The following ACTR3B variants were observed in gnomAD, a reference collection of about 807,000 sequenced individuals.
The protein encoded by ACTR3B is actin related protein 3B, also known as actin-related protein 3B.
ACTR3B carries 8 observed loss-of-function variants against 59.0 expected under a neutral mutation model. The ratio of observed to expected loss-of-function variants is 0.14; its 90% confidence interval spans 0.08 to 0.24. ACTR3B has a LOEUF of 0.24. ACTR3B is among the 10% of genes least tolerant of loss of function. ACTR3B has a pLI of 1.00. For missense variants in ACTR3B, 245 were observed against 552.3 expected, an observed-to-expected ratio of 0.44 and a Z score of 5.58; for synonymous variants, 148 against 197.9, an observed-to-expected ratio of 0.75 and a Z score of 2.12.
At chr7:152,805,942 G>A (rs1436890179) in intron 4 of ACTR3B, among the ~76,000 whole-genome samples, 1 of 145,684 alleles carries the variant, frequency 6.9e-6, no homozygotes, top group East Asian at 1.9e-4. Flanking sequence ...AATATGGGTT[G>A]GTTTTATGAT....
chr7:152,835,295 C>A (rs1474014239), intron 9 of ACTR3B, among the ~76,000 whole-genome samples: 1 of 152,144 alleles, frequency 6.6e-6, no homozygotes, highest in East Asian at 1.9e-4. Context: ...CACCCTTACA[C>A]AGGCTGAAGT....
At chr7:152,787,245 C>G (rs544660757) in intron 2 of ACTR3B, among the ~76,000 whole-genome samples, 1 of 152,248 alleles carries the variant, frequency 6.6e-6, no homozygotes, top group South Asian at 2.1e-4. Context: ...ATGGCTCATT[C>G]AAAAAATTTC....
At chr7:152,816,642 G>T in intron 6 of ACTR3B, 54 bp downstream of exon 6, 6 of 1,471,216 alleles carry the variant, frequency 4.1e-6, no homozygotes, top group Non-Finnish European at 5.4e-6. Context: ...CTGATTCGAG[G>T]TAAGGATGGA....
At chr7:152,816,910 G>A (rs188772146) in intron 6 of ACTR3B, 8,676 of 309,250 alleles carry the variant, frequency 0.028, 1,223 homozygotes, top group African/African-American at 0.18. Context: ...TGATCCCCGT[G>A]GGTGTAACAT....
intron 1 of ACTR3B, among the ~76,000 whole-genome samples, chr7:152,782,470 A>G (rs1490454968): frequency 2.0e-5 from 3 of 151,856 alleles, no homozygotes; most frequent in Non-Finnish European, 2.9e-5. Context: ...AACAGATAGT[A>G]GTATTTTGGC....
At chr7:152,767,604 T>C (rs1043630303) in intron 1 of ACTR3B, among the ~76,000 whole-genome samples, 3 of 152,242 alleles carry the variant, frequency 2.0e-5, no homozygotes, top group Admixed American at 1.3e-4. Flanking sequence ...TGTATAATAC[T>C]GAGTCTTCCC....
At chr7:152,830,413 G>A (rs1173104529) in intron 9 of ACTR3B, among the ~76,000 whole-genome samples, 1 of 152,236 alleles carries the variant, frequency 6.6e-6, no homozygotes, top group Non-Finnish European at 1.5e-5. Context: ...TGAAGCAGAT[G>A]TAAATACATC....
intron 1 of ACTR3B, among the ~76,000 whole-genome samples, chr7:152,764,614 T>A (rs1340266346): frequency 6.8e-6 from 1 of 147,400 alleles, no homozygotes; most frequent in African/African-American, 2.5e-5. Context: ...GCCACTGCAC[T>A]CCAGCCTGGC....
intron 9 of ACTR3B, among the ~76,000 whole-genome samples, chr7:152,845,601 G>C (rs1010710848): frequency 6.6e-6 from 1 of 152,228 alleles, no homozygotes; most frequent in African/African-American, 2.4e-5. Context: ...TTTGGCCTCC[G>C]CCTGTTGCTG....
At position 152,820,240 on chromosome 7, in the gene ACTR3B, A is replaced by G. The variant is rs1796038295; in HGVS notation, c.541-59A>G. ...CTGAGGCAGGAAACCTTGTGAGTCC[A>G]GGCTGCTCTCCACCACGAAATCACT... On this transcript the variant is annotated intron_variant, in intron 6 of 11. Coordinates refer to ENST00000256001, the MANE Select transcript of ACTR3B (RefSeq NM_020445.6). The G allele has an allele frequency of 5.7e-6, 9 of 1,576,312 alleles. No individual in the cohort carries two copies. The South Asian group carries it at 8.3e-5, about 15-fold the overall frequency.
intron 4 of ACTR3B, among the ~76,000 whole-genome samples, chr7:152,803,229 G>C (rs1178108589): frequency 6.6e-6 from 1 of 152,070 alleles, no homozygotes; most frequent in Non-Finnish European, 1.5e-5. Context: ...AAATTTTTTT[G>C]TGGAGATGGG....
intron 7 of ACTR3B, among the ~76,000 whole-genome samples, chr7:152,822,034 G>T (rs1796210569): frequency 6.6e-6 from 1 of 152,364 alleles, no homozygotes; most frequent in Non-Finnish European, 1.5e-5. Context: ...TGTTGACCAG[G>T]CCTGTGAGGA....
chr7:152,811,672 A>G (rs1795248586), intron 4 of ACTR3B: 1 of 152,112 alleles, frequency 6.6e-6, no homozygotes, highest in Non-Finnish European at 1.5e-5. Flanking sequence ...GTATAATTTG[A>G]TATATTTACC....
At chr7:152,761,838 TAA>T (rs2098090275) in intron 1 of ACTR3B, among the ~76,000 whole-genome samples, 1 of 152,124 alleles carries the variant, frequency 6.6e-6, no homozygotes, top group Non-Finnish European at 1.5e-5. Context: ...AAAATTCAGA[TAA>T]AAATAACCAA....
At chr7:152,834,125 A>G (rs1797248867) in intron 9 of ACTR3B, among the ~76,000 whole-genome samples, 1 of 151,498 alleles carries the variant, frequency 6.6e-6, no homozygotes, top group Admixed American at 6.6e-5. Flanking sequence ...TTTACAAAGG[A>G]GAATTTACTC....
At chr7:152,773,711 T>G (rs1409364653) in intron 1 of ACTR3B, among the ~76,000 whole-genome samples, 2 of 152,230 alleles carry the variant, frequency 1.3e-5, no homozygotes, top group Non-Finnish European at 2.9e-5. Context: ...TGTTATTTTT[T>G]TGGTTTATTT....
chr7:152,794,597 G>C (rs1303457825), intron 2 of ACTR3B, among the ~76,000 whole-genome samples: 1 of 152,038 alleles, frequency 6.6e-6, no homozygotes. Flanking sequence ...TAGAGGATAG[G>C]ATCTGTCACT....
chr7:152,827,401 G>A lies in ACTR3B; in HGVS notation c.951+2279G>A, dbSNP rs1162400154. On this transcript the variant is annotated intron_variant, in intron 9 of 11. Transcript: ENST00000256001. ...GTCCTGGGGCTGGCCATGCTTTCTCGTTTGTCACATAGCTGAACTCTATAC... is the reference window on the plus strand; with the variant it reads ...GTCCTGGGGCTGGCCATGCTTTCTCATTTGTCACATAGCTGAACTCTATAC... Among the ~76,000 whole-genome samples, 12 of 152,096 alleles carry A rather than the reference G, an allele frequency of 7.9e-5. 1 individual carries two copies. In the Middle Eastern group the frequency reaches 0.014, roughly 172 times the overall value.
rs758660435 is a variant in ACTR3B at position 152,800,515 on chromosome 7, G to A, written c.101-16G>A. On this transcript the variant is annotated splice_polypyrimidine_tract_variant and intron_variant, in intron 2 of 11. Coordinates refer to ENST00000256001, the MANE Select transcript of ACTR3B (RefSeq NM_020445.6). ...TGGATAGTGATAGAAATCTGTGTGTGTGTGTTTTTTTTAAGGTATTGCCAT... is the reference window on the plus strand; with the variant it reads ...TGGATAGTGATAGAAATCTGTGTGTATGTGTTTTTTTTAAGGTATTGCCAT... The A allele has an allele frequency of 5.0e-6, 8 of 1,612,500 alleles. No individual in the cohort carries two copies. Among genetic ancestry groups the A allele is most frequent in the Non-Finnish European group, 5.9e-6 (7 of 1,179,262 alleles).
Sources: gnomAD v4.1 joint callset for allele counts (sites outside exome capture counted in the v4.1 genomes callset) on GRCh38, gnomAD v4.1.1 for gene constraint, MANE v1.5 for transcripts, NCBI Gene and HGNC (gene_info 2026-07-23, HGNC 2026-07-21) for gene names.